Variants in NFRKB observed in about 807,000 individuals in gnomAD.
The protein encoded by NFRKB is nuclear factor related to kappa-B-binding protein.
Under a neutral mutation model 135.7 loss-of-function variants are expected in NFRKB, and 62 were observed. That is an observed-to-expected ratio of 0.46 (90% CI 0.37 to 0.56). The LOEUF (loss-of-function observed/expected upper bound fraction) is 0.56, where lower values mean the gene tolerates loss of function less well. Among genes scored for constraint, NFRKB ranks in the 20% least tolerant of loss-of-function variants. NFRKB has a pLI of 0.00. For missense variants in NFRKB, 1,545 were observed against 1,662.0 expected, an observed-to-expected ratio of 0.93 and a Z score of 1.22; for synonymous variants, 678 against 635.6, an observed-to-expected ratio of 1.07 and a Z score of -1.00.
chr11:129,886,481 A>G, intron 4 of NFRKB, 37 bp from the exon 5 acceptor site: 1 of 1,584,766 alleles, frequency 6.3e-7, no homozygotes, highest in Non-Finnish European at 8.7e-7. Context: ...TACATCAATC[A>G]ACAAATATAC....
chr11:129,883,220 C>G lies in NFRKB; in HGVS notation c.817-14G>C. The G allele has an allele frequency of 6.2e-7, 1 of 1,612,642 alleles. No homozygotes were observed. The highest frequency in any genetic ancestry group is 8.5e-7 in the Non-Finnish European group (1 of 1,179,300). On this transcript the variant is annotated splice_polypyrimidine_tract_variant and intron_variant, in intron 8 of 26. Coordinates refer to ENST00000682444, the MANE Select transcript of NFRKB (RefSeq NM_001143835.2). ...GTCCGGGTGATCCTAGATGTGATAT[C>G]CAGAATTTGGTCATGGAGGCCCAAA...
intron 5 of NFRKB, 50 bp from the exon 6 acceptor site, chr11:129,885,659 G>A: frequency 6.5e-7 from 1 of 1,530,056 alleles, no homozygotes; most frequent in South Asian, 1.2e-5. Context: ...GACCTGTTCT[G>A]GAACAATGAA....
chr11:129,877,496 A>C (rs1591501157), intron 15 of NFRKB, 111 bp from the exon 16 acceptor site: 1 of 1,004,204 alleles, frequency 1.0e-6, no homozygotes, highest in East Asian at 2.4e-5. Flanking sequence ...TCCCTCAAGA[A>C]GCACTCAATT....
At position 129,886,419 on chromosome 11, in the gene NFRKB, G is replaced by C; in HGVS notation, c.363C>G (p.Val121=). The stretch of plus-strand genomic sequence containing the variant: ...ACTTGAAGCATAACTGCCGGTACTT[G>C]ACCACCTCGGGGTTAAAGTGTCCGT... The part of the protein sequence containing the change: ...FRDGHFNPEV[V]KYRQLCFKSQ... The change falls in exon 5 of 27, where the codon GTC becomes GTG. Residue 121 remains valine, a synonymous_variant. Transcript: ENST00000682444. 1 of 1,613,944 alleles carries C rather than the reference G, an allele frequency of 6.2e-7. No individual in the cohort carries two copies. The highest frequency in any genetic ancestry group is 8.5e-7 in the Non-Finnish European group (1 of 1,179,984).
At chr11:129,869,361 C>T in intron 24 of NFRKB, 133 bp downstream of exon 24, 1 of 990,326 alleles carries the variant, frequency 1.0e-6, no homozygotes, top group African/African-American at 1.6e-5. Flanking sequence ...AAACGAGGTG[C>T]TTTTAGGGCC....
intron 16 of NFRKB, 86 bp from the exon 17 acceptor site, chr11:129,876,981 T>C (rs898133077): frequency 3.1e-6 from 4 of 1,272,656 alleles, no homozygotes; most frequent in Non-Finnish European, 1.1e-6. Flanking sequence ...CAGATCCACA[T>C]GGAACAATTA....
chr11:129,894,939 G>A (rs1949707165), intron 1 of NFRKB, among the ~76,000 whole-genome samples: 2 of 152,208 alleles, frequency 1.3e-5, no homozygotes, highest in Non-Finnish European at 2.9e-5. Context: ...TTCAGTGACG[G>A]TGCGTGTCTA....
chr11:129,884,846 T>C lies in NFRKB; in HGVS notation c.641A>G (p.Asp214Gly), dbSNP rs1949198085. The C allele has an allele frequency of 1.2e-6, 2 of 1,614,056 alleles. No homozygotes were observed. The highest frequency in any genetic ancestry group is 2.7e-5 in the African/African-American group (2 of 74,928). ...AGAGCTCGGAAGCCATGAGCTGAGA[T>C]CTTCAAAAGAAAATTGTTCTTGTAA... Reference protein sequence around the residue: ...GDTALSSDEEDLSSWLPSSPA... With the variant: ...GDTALSSDEEGLSSWLPSSPA... The change falls in exon 7 of 27, where the codon GAT becomes GGT. Residue 214 changes from aspartate to glycine, a missense_variant and splice_region_variant. By Grantham distance (94) the Asp-to-Gly change is moderately conservative (BLOSUM62 -1). Around this residue, in one of 3 missense-constraint regions of NFRKB, gnomAD observed 678 missense variants for 646.7 expected, o/e 1.05. Coordinates refer to ENST00000682444, the MANE Select transcript of NFRKB (RefSeq NM_001143835.2).
At position 129,886,556 on chromosome 11, in the gene NFRKB, A is replaced by T; in HGVS notation, c.338-112T>A. Reference sequence around the variant, plus strand: ...GGTAAACTCTGTACCACAAAACTTAAGGGAAAAGTGAACATTTAAGAGAAT... The same window carrying T: ...GGTAAACTCTGTACCACAAAACTTATGGGAAAAGTGAACATTTAAGAGAAT... On this transcript the variant is annotated intron_variant, in intron 4 of 26. Transcript: ENST00000682444. 4 of 989,482 alleles carry T rather than the reference A, an allele frequency of 4.0e-6. No individual in the cohort carries two copies. In the East Asian group the frequency reaches 7.6e-5, roughly 19 times the overall value. The allele number at this position is 989,482 out of a possible 1,614,324, so 61.3% of individuals were successfully genotyped here. A position where few individuals can be genotyped will look rare whatever the true frequency, so the allele number is the denominator to read the frequency against.
At chr11:129,879,603 G>A (rs139045909) in intron 13 of NFRKB, among the ~76,000 whole-genome samples, 22 of 152,280 alleles carry the variant, frequency 1.4e-4, no homozygotes, top group African/African-American at 3.6e-4. Context: ...CAGGCGATCC[G>A]GTCTCCTGGC....
At position 129,878,205 on chromosome 11, in the gene NFRKB, A is replaced by C. The variant is rs959005906; in HGVS notation, c.1511+104T>G. Reference sequence around the variant, plus strand: ...ACCAGGGGACTCCTCAGAGCTCTGAAGCCCATTACAGCTCTAGCATACCAA... The same window carrying C: ...ACCAGGGGACTCCTCAGAGCTCTGACGCCCATTACAGCTCTAGCATACCAA... On this transcript the variant is annotated intron_variant, in intron 15 of 26. Coordinates refer to ENST00000682444, the MANE Select transcript of NFRKB (RefSeq NM_001143835.2). 4.1e-6 allele frequency: 5 copies of C among 1,213,320 alleles called. No homozygotes were observed. In the Admixed American group the frequency reaches 1.1e-4, roughly 26 times the overall value. The allele number at this position is 1,213,320 out of a possible 1,614,324, so 75.2% of individuals were successfully genotyped here.
intron 23 of NFRKB, among the ~76,000 whole-genome samples, chr11:129,871,431 C>G (rs569290723): frequency 6.6e-6 from 1 of 152,306 alleles, no homozygotes; most frequent in African/African-American, 2.4e-5. Flanking sequence ...AGTCTCATCT[C>G]ACGCTGCCAC....
chr11:129,883,351 C>T, intron 8 of NFRKB, 145 bp from the exon 9 acceptor site: 1 of 636,288 alleles, frequency 1.6e-6, no homozygotes, highest in Non-Finnish European at 2.8e-6. Flanking sequence ...TAAAACTATT[C>T]ATTTTTTCCC....
At position 129,874,370 on chromosome 11, in the gene NFRKB, T is replaced by A; in HGVS notation, c.2059-37A>T. Reference sequence around the variant, plus strand: ...GACAAAGAAAACTCACCTGGTGTCGTGAAGATCCCCCTAAAGGAAGGGACA... The same window carrying A: ...GACAAAGAAAACTCACCTGGTGTCGAGAAGATCCCCCTAAAGGAAGGGACA... On this transcript the variant is annotated intron_variant, in intron 20 of 26. Transcript: ENST00000682444. This position sits in a 1 kb window ranked among gnomAD's most constrained non-coding sequence, Gnocchi z 4.5. 6.6e-7 allele frequency: 1 copy of A among 1,520,046 alleles called. No individual in the cohort carries two copies. Among genetic ancestry groups the A allele is most frequent in the South Asian group, 1.3e-5 (1 of 74,732 alleles). The allele number at this position is 1,520,046 out of a possible 1,614,324, so 94.2% of individuals were successfully genotyped here.
Position 129,872,718 on chromosome 11 carries a change from T to A in NFRKB, c.2763+166A>T, listed in dbSNP as rs4326805. 9.6e-3 allele frequency: 5,983 copies of A among 623,182 alleles called. 285 individuals are homozygous for A. The African/African-American group carries it at 0.1, about 10-fold the overall frequency. The allele number at this position is 623,182 out of a possible 1,614,324, so 38.6% of individuals were successfully genotyped here. A position where few individuals can be genotyped will look rare whatever the true frequency, so the allele number is the denominator to read the frequency against. ...TCTTCAGCATCTATCAAAGCTGCAC[T>A]GCCTTTGCCTTTGGTGGGAACTCAC... is the stretch of plus-strand genomic sequence containing the variant. On this transcript the variant is annotated intron_variant, in intron 23 of 26. Transcript: ENST00000682444.
At chr11:129,867,916 T>C (rs942908123) in intron 24 of NFRKB, among the ~76,000 whole-genome samples, 1 of 152,208 alleles carries the variant, frequency 6.6e-6, no homozygotes, top group African/African-American at 2.4e-5. Context: ...GGGGAAGCAA[T>C]AGTTGATTAT....
At chr11:129,873,618 G>T in intron 22 of NFRKB, 127 bp downstream of exon 22, 1 of 1,301,354 alleles carries the variant, frequency 7.7e-7, no homozygotes, top group Non-Finnish European at 1.1e-6. Flanking sequence ...TTATTCCGAT[G>T]AATGTCATCA....
rs762567638 is a variant in NFRKB at position 129,869,519 on chromosome 11, G to C, written c.3506C>G (p.Thr1169Ser). ...AGCCTGGGACGTGGACACAACCGTG[G>C]TGCTGACAGGGACCTGCCGCACGGT... ...APTVRQVPVS[T>S]TVVSTSQAGK... Residue 1169 changes from threonine to serine, a missense_variant, in exon 24 of 27, where the codon ACC becomes AGC. Thr to Ser is a moderately conservative substitution (Grantham distance 58). Coordinates refer to ENST00000682444, the MANE Select transcript of NFRKB (RefSeq NM_001143835.2). 4 of 1,612,120 alleles carry C rather than the reference G, an allele frequency of 2.5e-6. No homozygotes were observed. Among genetic ancestry groups the C allele is most frequent in the Admixed American group, 1.7e-5 (1 of 59,972 alleles).
At chr11:129,893,011 C>G (rs1421055120) in intron 2 of NFRKB, 141 bp from the exon 3 acceptor site, 8 of 1,493,456 alleles carry the variant, frequency 5.4e-6, no homozygotes, top group Non-Finnish European at 7.1e-6. Flanking sequence ...CTAAACAGCT[C>G]TCCTCCCTCC....
Sources: allele counts gnomAD v4.1 joint callset (sites outside exome capture counted in the v4.1 genomes callset), GRCh38; gene constraint gnomAD v4.1.1; regional missense constraint gnomAD v4.1.1; non-coding constraint Gnocchi (gnomAD v3.1); transcripts MANE v1.5; gene names NCBI Gene and HGNC (gene_info 2026-07-23, HGNC 2026-07-21).